SORCS1: variants seen among roughly 807,000 people sequenced by gnomAD.
The protein encoded by SORCS1 is sortilin related VPS10 domain containing receptor 1.
A neutral mutation model predicts 146.1 loss-of-function variants in SORCS1; 60 were observed. That is an observed-to-expected ratio of 0.41 (90% CI 0.33 to 0.51). The LOEUF is 0.51. Among genes scored for constraint, SORCS1 ranks in the 20% least tolerant of loss-of-function variants. SORCS1 has a pLI of 0.21. For synonymous variants in SORCS1, 637 were observed against 584.0 expected (o/e 1.09, Z -1.31); for missense variants, 1,352 against 1,487.6 (o/e 0.91, Z 1.50).
intron 18 of SORCS1, among the ~76,000 whole-genome samples, chr10:106,635,011 C>A (rs1490523012): frequency 6.6e-6 from 1 of 152,150 alleles, no homozygotes; most frequent in Non-Finnish European, 1.5e-5. Flanking sequence ...AGGCACAAAA[C>A]CCACATGAAA....
intron 1 of SORCS1, among the ~76,000 whole-genome samples, chr10:107,014,281 A>G (rs975261672): frequency 1.4e-5 from 2 of 147,964 alleles, no homozygotes; most frequent in Admixed American, 6.6e-5. Context: ...AAGAAAAGAA[A>G]AAAAGAGAGA....
chr10:106,788,221 C>T (rs997567946), intron 3 of SORCS1, among the ~76,000 whole-genome samples: 1 of 152,134 alleles, frequency 6.6e-6, no homozygotes, highest in Non-Finnish European at 1.5e-5. Context: ...TCCTTCAACA[C>T]CCAGGAATTA....
intron 24 of SORCS1, among the ~76,000 whole-genome samples, chr10:106,592,189 T>A (rs959334600): frequency 6.6e-6 from 1 of 152,202 alleles, no homozygotes; most frequent in Non-Finnish European, 1.5e-5. Flanking sequence ...GAAACATACC[T>A]GTCAGGAGTG....
chr10:106,957,330 C>T (rs377629867), intron 1 of SORCS1, among the ~76,000 whole-genome samples: 5 of 151,906 alleles, frequency 3.3e-5, no homozygotes, highest in East Asian at 3.9e-4. Flanking sequence ...CCCACCACCA[C>T]GCCCGGCTAA....
Position 106,836,737 on chromosome 10 carries a change from A to T in SORCS1, c.627-7064T>A, listed in dbSNP as rs542735314. On this transcript the variant is annotated intron_variant, in intron 2 of 25. Transcript: ENST00000263054. ...ACCTGCCAGGGAAAATTGATTAAAT[A>T]AAAAAAAAAAAAGTATAAGCAGAAA... 1.6e-3 allele frequency among the ~76,000 whole-genome samples: 210 copies of T among 132,126 alleles called. 4 individuals are homozygous for T. In the South Asian group the frequency reaches 0.033, roughly 21 times the overall value. 86.7% of individuals were successfully genotyped at this position (132,126 alleles called of 152,430 possible).
At chr10:106,703,069 T>G (rs541534169) in intron 8 of SORCS1, among the ~76,000 whole-genome samples, 16 of 152,276 alleles carry the variant, frequency 1.1e-4, no homozygotes, top group African/African-American at 3.6e-4. Flanking sequence ...ATTCCTTTTT[T>G]CAGACATATT....
At chr10:106,754,207 G>A (rs1328225610) in intron 5 of SORCS1, among the ~76,000 whole-genome samples, 1 of 152,214 alleles carries the variant, frequency 6.6e-6, no homozygotes, top group African/African-American at 2.4e-5. Context: ...AATGCTAGGA[G>A]TTTTTCTGGA....
intron 23 of SORCS1, among the ~76,000 whole-genome samples, chr10:106,604,029 G>A (rs1846411091): frequency 2.6e-5 from 4 of 152,188 alleles, no homozygotes; most frequent in Admixed American, 2.6e-4. Flanking sequence ...GCAATCAGGT[G>A]AGAGGTACCG....
intron 1 of SORCS1, among the ~76,000 whole-genome samples, chr10:106,989,636 G>A (rs1434188466): frequency 6.8e-6 from 1 of 147,074 alleles, no homozygotes; most frequent in Non-Finnish European, 1.5e-5. Context: ...CCATTCCAAA[G>A]CAGAACTTCT....
chr10:106,856,643 G>A (rs900626628), intron 2 of SORCS1, among the ~76,000 whole-genome samples: 2 of 152,206 alleles, frequency 1.3e-5, no homozygotes, highest in Non-Finnish European at 2.9e-5. Flanking sequence ...TCCCCCACCA[G>A]TTGTCACTGT....
chr10:106,874,426 A>C (rs1372428675), intron 2 of SORCS1, among the ~76,000 whole-genome samples: 2 of 152,232 alleles, frequency 1.3e-5, no homozygotes, highest in Non-Finnish European at 2.9e-5. Context: ...AACTAAGGAC[A>C]ATATATGACA....
At chr10:106,948,340 A>G (rs1238309083) in intron 2 of SORCS1, among the ~76,000 whole-genome samples, 1 of 152,038 alleles carries the variant, frequency 6.6e-6, no homozygotes, top group African/African-American at 2.4e-5. Flanking sequence ...ATGAGCATAC[A>G]TTACTTTTGT....
intron 2 of SORCS1, among the ~76,000 whole-genome samples, chr10:106,842,130 T>G (rs192847092): frequency 1.3e-5 from 2 of 151,752 alleles, no homozygotes; most frequent in African/African-American, 2.4e-5. Context: ...AATAGGTGTA[T>G]AGCAGCGTAT....
At chr10:107,026,670 GA>G (rs1363999198) in intron 1 of SORCS1, among the ~76,000 whole-genome samples, 3 of 151,824 alleles carry the variant, frequency 2.0e-5, no homozygotes, top group African/African-American at 7.3e-5. Flanking sequence ...CGCAGAGAAA[GA>G]GAGAAGAAAA....
intron 6 of SORCS1, among the ~76,000 whole-genome samples, chr10:106,722,173 AAG>A (rs989840278): frequency 3.4e-4 from 52 of 151,570 alleles, no homozygotes; most frequent in African/African-American, 1.2e-3. Flanking sequence ...ATAAAAAGAT[AAG>A]AGTTTATATA....
chr10:106,700,824 A>G (rs910528803), intron 8 of SORCS1, among the ~76,000 whole-genome samples: 1 of 152,256 alleles, frequency 6.6e-6, no homozygotes, highest in Admixed American at 6.5e-5. Flanking sequence ...CTCAGGTTCC[A>G]TATGACATAC....
intron 2 of SORCS1, among the ~76,000 whole-genome samples, chr10:106,936,475 T>G (rs1314718874): frequency 6.6e-6 from 1 of 152,176 alleles, no homozygotes; most frequent in Non-Finnish European, 1.5e-5. Context: ...CCTTCTGGCA[T>G]CAAGCAGAGA....
At chr10:106,578,810 A>G (rs917435820) in intron 25 of SORCS1, 3 of 1,275,344 alleles carry the variant, frequency 2.4e-6, no homozygotes, top group African/African-American at 1.5e-5. Context: ...CTCTTTGCCC[A>G]TAAACATATA....
intron 2 of SORCS1, among the ~76,000 whole-genome samples, chr10:106,850,534 A>AT (rs1949521041): frequency 6.6e-6 from 1 of 151,946 alleles, no homozygotes; most frequent in South Asian, 2.1e-4. Flanking sequence ...AAATGCAGAA[A>AT]TCACCCGTCT....
Sources: gnomAD v4.1 joint callset for allele counts (sites outside exome capture counted in the v4.1 genomes callset) on GRCh38, gnomAD v4.1.1 for gene constraint, MANE v1.5 for transcripts, NCBI Gene and HGNC (gene_info 2026-07-23, HGNC 2026-07-21) for gene names.